The following AR variants were observed in gnomAD, a reference collection of about 807,000 sequenced individuals.
AR encodes androgen receptor.
Under a neutral mutation model 53.9 loss-of-function variants are expected in AR, and 8 were observed. The ratio of observed to expected loss-of-function variants is 0.15; its 90% CI spans 0.09 to 0.27. The LOEUF (loss-of-function observed/expected upper bound fraction) is 0.27, where lower values mean the gene tolerates loss of function less well. Ranked by LOEUF, AR falls within the 10% of genes least tolerant of loss-of-function variation. The pLI, the probability that AR is intolerant of heterozygous loss-of-function variation, is 1.00. For synonymous variants in AR, 359 were observed against 316.4 expected (o/e 1.13, Z -1.43); for missense variants, 639 against 742.5 (o/e 0.86, Z 1.62).
Position 67,546,514 on chromosome X carries a change from T to TGGCGGCGGCGGCGGCGGCGGC in AR, c.1400_1420dup (p.Gly467_Gly473dup), listed in dbSNP as rs746853821. 3.5e-5 allele frequency: 18 copies of TGGCGGCGGCGGCGGCGGCGGC among 509,502 alleles called. No homozygotes were observed. The highest frequency in any genetic ancestry group is 1.8e-4 in the African/African-American group (6 of 33,471). The allele number at this position is 509,502 out of a possible 1,213,427, so 42.0% of individuals were successfully genotyped here. A position where few individuals can be genotyped will look rare whatever the true frequency, so the allele number is the denominator to read the frequency against. ...GACCGTGTGGTGGTGGTGGGGGTGG[T>TGGCGGCGGCGGCGGCGGCGGC]GGCGGCGGCGGCGGCGGCGGCGGCG... On this transcript the variant is annotated inframe_insertion, in exon 1 of 8. Coordinates refer to ENST00000374690, the MANE Select transcript of AR (RefSeq NM_000044.6).
intron 1 of AR, among the ~76,000 whole-genome samples, chrX:67,635,174 A>G (rs1320841823): frequency 9.0e-6 from 1 of 111,474 alleles, no homozygotes; most frequent in Admixed American, 9.6e-5. Context: ...AAGGCAACCA[A>G]GACTTACAAT....
At chrX:67,597,469 G>T (rs1923136561) in intron 1 of AR, among the ~76,000 whole-genome samples, 1 of 111,915 alleles carries the variant, frequency 8.9e-6, no homozygotes, top group African/African-American at 3.2e-5. Context: ...GGTACTTGTA[G>T]TAAGAGCATA....
chrX:67,560,680 A>G (rs1184753026), intron 1 of AR, among the ~76,000 whole-genome samples: 2 of 110,888 alleles, frequency 1.8e-5, no homozygotes, highest in African/African-American at 3.3e-5. Context: ...CCCTTACAAA[A>G]CTCTTAAAAC....
chrX:67,671,585 A>G (rs1279585697), intron 2 of AR, among the ~76,000 whole-genome samples: 1 of 112,052 alleles, frequency 8.9e-6, no homozygotes, highest in Non-Finnish European at 1.9e-5. Flanking sequence ...TCTGCTGTGC[A>G]GAAGCTCTTT....
At chrX:67,722,716 G>A in intron 6 of AR, 111 bp from the exon 7 acceptor site, 4 of 942,279 alleles carry the variant, frequency 4.2e-6, no homozygotes, top group Non-Finnish European at 6.0e-6. Context: ...CCAAGTAGAT[G>A]GTTCCCTGTG....
intron 1 of AR, among the ~76,000 whole-genome samples, chrX:67,611,748 C>A (rs971050295): frequency 5.4e-5 from 6 of 111,070 alleles, no homozygotes; most frequent in Non-Finnish European, 9.4e-5. Context: ...TTTCTTCATA[C>A]CTTTTTAATT....
At chrX:67,703,769 A>G (rs1462749428) in intron 3 of AR, among the ~76,000 whole-genome samples, 1 of 111,366 alleles carries the variant, frequency 9.0e-6, no homozygotes, top group African/African-American at 3.3e-5. Context: ...TACATTAAGT[A>G]TATCTCCTAA....
chrX:67,546,577 T>A lies in AR; in HGVS notation c.1431T>A (p.Ala477=). Residue 477 remains alanine (A), a synonymous_variant, in exon 1 of 8, where the codon GCT becomes GCA. Transcript: ENST00000374690. ...GCGGCGGCGGCGGCGAGGCGGGAGCTGTAGCCCCCTACGGCTACACTCGGC... is the reference window on the plus strand; with the variant it reads ...GCGGCGGCGGCGGCGAGGCGGGAGCAGTAGCCCCCTACGGCTACACTCGGC... ...GGGGGGGEAG[A]VAPYGYTRPP... is the part of the protein sequence containing the mutation. 8.9e-7 allele frequency: 1 copy of A among 1,118,093 alleles called. No individual in the cohort carries two copies. Among genetic ancestry groups the A allele is most frequent in the Non-Finnish European group, 1.2e-6 (1 of 846,591 alleles). The allele number at this position is 1,118,093 out of a possible 1,213,427, so 92.1% of individuals were successfully genotyped here. A position where few individuals can be genotyped will look rare whatever the true frequency, so the allele number is the denominator to read the frequency against.
chrX:67,658,429 T>C (rs940989400), intron 2 of AR, among the ~76,000 whole-genome samples: 1 of 112,337 alleles, frequency 8.9e-6, no homozygotes, highest in African/African-American at 3.2e-5. Context: ...ATGGGCACAA[T>C]AGAAGCAGTG....
chrX:67,603,015 A>G (rs1313653461), intron 1 of AR, among the ~76,000 whole-genome samples: 2 of 111,630 alleles, frequency 1.8e-5, no homozygotes, highest in African/African-American at 6.5e-5. Flanking sequence ...GTAATAGAGG[A>G]CATGTATTAT....
chrX:67,700,721 A>C (rs187342137), intron 3 of AR, among the ~76,000 whole-genome samples: 1 of 111,786 alleles, frequency 8.9e-6, no homozygotes, highest in Non-Finnish European at 1.9e-5. Flanking sequence ...GGCACTATAC[A>C]GAGAAAGGGG....
At chrX:67,671,606 G>T (rs2075865900) in intron 2 of AR, among the ~76,000 whole-genome samples, 1 of 111,731 alleles carries the variant, frequency 9.0e-6, no homozygotes, top group Non-Finnish European at 1.9e-5. Flanking sequence ...AGTTTAATTA[G>T]ATCCCATTTG....
In AR at chrX:67,726,434, A is replaced by G. The variant is rs1344866170; in HGVS notation, c.*2593A>G. The G allele has an allele frequency of 5.7e-6, 1 of 173,948 alleles. No individual in the cohort carries two copies. Among genetic ancestry groups the G allele is most frequent in the African/African-American group, 2.9e-5 (1 of 34,036 alleles). 14.3% of individuals were successfully genotyped at this position (173,948 alleles called of 1,213,427 possible). ...ACAGATTGAATTATATCATTTTCAT[A>G]TCTCTCCTTGTAAATACTAGAAGCT... On this transcript the variant is annotated 3_prime_UTR_variant, in exon 8 of 8. Transcript: ENST00000374690.
intron 3 of AR, among the ~76,000 whole-genome samples, chrX:67,705,117 T>G (rs1256846755): frequency 2.7e-5 from 3 of 111,723 alleles, no homozygotes; most frequent in Non-Finnish European, 5.6e-5. Context: ...TAGGATTGTC[T>G]TGGCAATGCA....
At chrX:67,625,714 G>T (rs987301117) in intron 1 of AR, among the ~76,000 whole-genome samples, 3 of 111,313 alleles carry the variant, frequency 2.7e-5, no homozygotes, top group Non-Finnish European at 5.7e-5. Flanking sequence ...GAAAATAAAA[G>T]ATTTTGGACC....
At chrX:67,607,822 A>G (rs1307671861) in intron 1 of AR, among the ~76,000 whole-genome samples, 4 of 111,876 alleles carry the variant, frequency 3.6e-5, no homozygotes, top group African/African-American at 1.3e-4. Flanking sequence ...ACAGAATCAT[A>G]TGGGACCAAA....
At chrX:67,575,826 A>G (rs780661788) in intron 1 of AR, among the ~76,000 whole-genome samples, 1 of 111,878 alleles carries the variant, frequency 8.9e-6, no homozygotes, top group South Asian at 3.7e-4. Context: ...CTGTGTTTCT[A>G]GCTATTCTGT....
At chrX:67,718,733 A>G (rs2076123687) in intron 5 of AR, among the ~76,000 whole-genome samples, 1 of 111,044 alleles carries the variant, frequency 9.0e-6, no homozygotes, top group Non-Finnish European at 1.9e-5. Flanking sequence ...TCCCTGGTTC[A>G]AGCAATTCTC....
rs181907699 is a variant in AR at position 67,577,780 on chromosome X, A to T, written c.1616+31018A>T. Among the ~76,000 whole-genome samples, 12 of 111,415 alleles carry T rather than the reference A, an allele frequency of 1.1e-4. No individual in the cohort carries two copies. The East Asian group carries it at 3.4e-3, about 32-fold the overall frequency. ...TTTCATGTGCTTATTGGCCGTTTGTATATTTTTTGATCCTTTGCTCATTTC... is the reference window on the plus strand; with the variant it reads ...TTTCATGTGCTTATTGGCCGTTTGTTTATTTTTTGATCCTTTGCTCATTTC... On this transcript the variant is annotated intron_variant, in intron 1 of 7. Coordinates refer to ENST00000374690, the MANE Select transcript of AR (RefSeq NM_000044.6).
Sources: gnomAD v4.1 joint callset for allele counts (sites outside exome capture counted in the v4.1 genomes callset) on GRCh38, gnomAD v4.1.1 for gene constraint, MANE v1.5 for transcripts, NCBI Gene and HGNC (gene_info 2026-07-23, HGNC 2026-07-21) for gene names.